The following DGKI variants were observed in gnomAD, a reference collection of about 807,000 sequenced individuals.
DGKI encodes the protein diacylglycerol kinase iota, also known as DAG kinase iota.
A neutral mutation model predicts 147.5 loss-of-function variants in DGKI; 55 were observed. The ratio of observed to expected loss-of-function variants is 0.37; its 90% CI spans 0.30 to 0.47. DGKI has a LOEUF of 0.47. DGKI is among the 20% of genes least tolerant of loss of function. The pLI is 1.00. For missense variants in DGKI, 1,007 were observed against 1,323.8 expected (o/e 0.76, Z 3.71); for synonymous variants, 469 against 477.1 (o/e 0.98, Z 0.22).
rs371327020 is a variant in DGKI, at chr7:137,487,593, T to C, written c.2328+17A>G. ...TGGAAAGTTGAGGAGAATAAAAAAT[T>C]GGCTAAATAAACTCACCTCCTGTAG... On this transcript the variant is annotated intron_variant, in intron 22 of 32. Transcript: ENST00000614521. 6.2e-7 allele frequency: 1 copy of C among 1,608,300 alleles called. No individual in the cohort carries two copies. Among genetic ancestry groups the C allele is most frequent in the Non-Finnish European group, 8.5e-7 (1 of 1,175,158 alleles).
chr7:137,777,475 G>A (rs1170408918), intron 1 of DGKI, among the ~76,000 whole-genome samples: 3 of 152,220 alleles, frequency 2.0e-5, no homozygotes, highest in Non-Finnish European at 4.4e-5. Flanking sequence ...TCACAGCAGC[G>A]ACGGCTATGG....
intron 1 of DGKI, among the ~76,000 whole-genome samples, chr7:137,806,708 C>T (rs1371970143): frequency 1.3e-5 from 2 of 152,172 alleles, no homozygotes; most frequent in Non-Finnish European, 2.9e-5. Flanking sequence ...GCTGGGATTA[C>T]AGGCATGAGC....
intron 23 of DGKI, among the ~76,000 whole-genome samples, chr7:137,471,651 A>G (rs1814893703): frequency 6.6e-6 from 1 of 152,070 alleles, no homozygotes; most frequent in Non-Finnish European, 1.5e-5. Context: ...GAAAGAACCT[A>G]AAGTTACCGA....
chr7:137,626,719 G>C (rs548766195), intron 6 of DGKI, among the ~76,000 whole-genome samples: 1 of 152,118 alleles, frequency 6.6e-6, no homozygotes, highest in Non-Finnish European at 1.5e-5. Flanking sequence ...GGTGAGACCC[G>C]AGTGCCTCTG....
At chr7:137,587,796 C>T (rs1043592168) in intron 12 of DGKI, among the ~76,000 whole-genome samples, 2 of 152,142 alleles carry the variant, frequency 1.3e-5, no homozygotes, top group Admixed American at 6.5e-5. Flanking sequence ...CCTGAATATC[C>T]CTCTATTTTC....
At chr7:137,796,272 T>C (rs922996679) in intron 1 of DGKI, among the ~76,000 whole-genome samples, 1 of 151,996 alleles carries the variant, frequency 6.6e-6, no homozygotes, top group Non-Finnish European at 1.5e-5. Context: ...CCAAGGCGGG[T>C]GGGTCACCTG....
intron 27 of DGKI, among the ~76,000 whole-genome samples, chr7:137,446,743 A>AAGAG (rs1438502120): frequency 6.6e-6 from 1 of 152,126 alleles, no homozygotes; most frequent in Non-Finnish European, 1.5e-5. Flanking sequence ...GAAAGAAAGA[A>AAGAG]AGAGAGAGAG....
At chr7:137,775,012 C>T (rs1337189398) in intron 1 of DGKI, 1 of 152,046 alleles carries the variant, frequency 6.6e-6, no homozygotes. Flanking sequence ...TTTTTCCAGG[C>T]AGGTCTCCTC....
chr7:137,427,103 T>A, intron 28 of DGKI, among the ~76,000 whole-genome samples: 2 of 151,130 alleles, frequency 1.3e-5, no homozygotes, highest in African/African-American at 4.9e-5. Flanking sequence ...ATACATTTTT[T>A]TCAGCACCAC....
chr7:137,672,123 C>G (rs1822862049), intron 3 of DGKI, among the ~76,000 whole-genome samples: 1 of 152,222 alleles, frequency 6.6e-6, no homozygotes, highest in Admixed American at 6.5e-5. Flanking sequence ...TCACTTACAC[C>G]TCAACCACAT....
chr7:137,717,373 T>C (rs141360981), intron 1 of DGKI, among the ~76,000 whole-genome samples: 181 of 152,288 alleles, frequency 1.2e-3, no homozygotes, highest in African/African-American at 4.3e-3. Context: ...TAGAACTCTA[T>C]TTAAAGTGAG....
intron 21 of DGKI, among the ~76,000 whole-genome samples, chr7:137,518,783 G>A (rs1563064983): frequency 6.6e-6 from 1 of 151,990 alleles, no homozygotes. Flanking sequence ...TCATGTGTCA[G>A]TGAATCTCTT....
chr7:137,535,504 A>G (rs1458124652), intron 20 of DGKI, among the ~76,000 whole-genome samples: 1 of 151,934 alleles, frequency 6.6e-6, no homozygotes, highest in Admixed American at 6.6e-5. Context: ...TACCTGGCAC[A>G]TGTACTACCC....
At chr7:137,635,888 G>T (rs955518271) in intron 6 of DGKI, among the ~76,000 whole-genome samples, 1 of 152,156 alleles carries the variant, frequency 6.6e-6, no homozygotes, top group African/African-American at 2.4e-5. Context: ...CAGAGCTCCG[G>T]GCTTTGAGGG....
chr7:137,470,604 G>T (rs1374167981), intron 23 of DGKI, among the ~76,000 whole-genome samples: 2 of 151,988 alleles, frequency 1.3e-5, no homozygotes, highest in Non-Finnish European at 2.9e-5. Flanking sequence ...CTTCCAGGCT[G>T]TCTTCCAGGC....
At chr7:137,782,166 T>C (rs1450449061) in intron 1 of DGKI, among the ~76,000 whole-genome samples, 1 of 152,194 alleles carries the variant, frequency 6.6e-6, no homozygotes, top group Admixed American at 6.5e-5. Context: ...GTCTGCTTGC[T>C]TTCTCAATGG....
At chr7:137,605,313 TATAAAATAAAATAAAATAAAATAAA>T (rs564995858) in intron 10 of DGKI, among the ~76,000 whole-genome samples, 2,362 of 121,230 alleles carry the variant, frequency 0.019, 78 homozygotes, top group African/African-American at 0.072. Flanking sequence ...GTCTCAAAAA[TATAAAATAAAATAAAATAAAATAAA>T]ATAAAATAAA....
chr7:137,686,662 T>C (rs1183344407), intron 2 of DGKI, among the ~76,000 whole-genome samples: 1 of 152,162 alleles, frequency 6.6e-6, no homozygotes, highest in Admixed American at 6.5e-5. Flanking sequence ...ATTAAGTTAA[T>C]GTACCCAAAG....
At chr7:137,502,858 A>G (rs948799997) in intron 21 of DGKI, among the ~76,000 whole-genome samples, 1 of 152,056 alleles carries the variant, frequency 6.6e-6, no homozygotes, top group Admixed American at 6.6e-5. Context: ...AGTTTTCAAC[A>G]CTGAGCTCAG....
Sources: allele counts gnomAD v4.1 joint callset (sites outside exome capture counted in the v4.1 genomes callset), GRCh38; gene constraint gnomAD v4.1.1; transcripts MANE v1.5; gene names NCBI Gene and HGNC (gene_info 2026-07-23, HGNC 2026-07-21).